Variants in BCKDHB observed in about 807,000 individuals in gnomAD.
BCKDHB encodes branched chain keto acid dehydrogenase E1 subunit beta.
Under a neutral mutation model 48.5 loss-of-function variants are expected in BCKDHB, and 41 were observed. The observed-to-expected ratio is 0.85, with a 90% CI of 0.66 to 1.10. BCKDHB has a LOEUF of 1.10. Ranked by LOEUF, BCKDHB falls within the 50% of genes least tolerant of loss-of-function variation. BCKDHB has a pLI of 0.00. For synonymous variants in BCKDHB, 201 were observed against 174.8 expected, an observed-to-expected ratio of 1.15 and a Z score of -1.18; for missense variants, 496 against 494.2, an observed-to-expected ratio of 1.00 and a Z score of -0.03.
chr6:80,114,316 A>G (rs1339827899), intron 1 of BCKDHB, among the ~76,000 whole-genome samples: 1 of 151,046 alleles, frequency 6.6e-6, no homozygotes. Flanking sequence ...TGGCTCAATC[A>G]TGGCTCACTG....
intron 9 of BCKDHB, among the ~76,000 whole-genome samples, chr6:80,337,926 A>C (rs376703183): frequency 4.6e-5 from 7 of 152,338 alleles, no homozygotes; most frequent in African/African-American, 9.6e-5. Context: ...ATGTTTAGAA[A>C]AATTAGTTAA....
chr6:80,444,780 A>C, the BCKDHB span, among the ~76,000 whole-genome samples: 1 of 152,208 alleles, frequency 6.6e-6, no homozygotes, highest in Non-Finnish European at 1.5e-5. Context: ...AGTAAATAAT[A>C]TCGTCAAATT....
chr6:80,447,066 G>T, the BCKDHB span, among the ~76,000 whole-genome samples: 1 of 152,134 alleles, frequency 6.6e-6, no homozygotes, highest in Non-Finnish European at 1.5e-5. Context: ...CAAGAGTGAT[G>T]AAGCTTGGGA....
chr6:80,397,397 T>TTG, the BCKDHB span, among the ~76,000 whole-genome samples: 4 of 152,182 alleles, frequency 2.6e-5, no homozygotes, highest in South Asian at 8.3e-4. Context: ...TTAAAGGCAA[T>TTG]TGTGTGTGTG....
At chr6:80,194,725 T>A (rs1313313253) in intron 6 of BCKDHB, among the ~76,000 whole-genome samples, 1 of 152,208 alleles carries the variant, frequency 6.6e-6, no homozygotes. Flanking sequence ...TTTACTTGTT[T>A]TTACTCTTCT....
At chr6:80,426,634 A>G in the BCKDHB span, among the ~76,000 whole-genome samples, 1 of 152,102 alleles carries the variant, frequency 6.6e-6, no homozygotes, top group Non-Finnish European at 1.5e-5. Context: ...GGATTAAAAA[A>G]TATCTTTCTG....
intron 8 of BCKDHB, among the ~76,000 whole-genome samples, chr6:80,245,698 C>A (rs530239825): frequency 1.3e-5 from 2 of 152,238 alleles, no homozygotes; most frequent in East Asian, 3.9e-4. Flanking sequence ...CACGAAGGAG[C>A]AGCACTTTTA....
chr6:80,106,656 G>A (rs926224837), upstream of BCKDHB: 1 of 1,542,730 alleles, frequency 6.5e-7, no homozygotes, highest in Non-Finnish European at 8.7e-7. Flanking sequence ...CAGGCGGCGT[G>A]CGGCTGCATA....
At chr6:80,413,605 T>C in the BCKDHB span, among the ~76,000 whole-genome samples, 1 of 152,160 alleles carries the variant, frequency 6.6e-6, no homozygotes, top group African/African-American at 2.4e-5. Context: ...CCAACTACAT[T>C]CATGTTTCTG....
At chr6:80,195,672 T>A (rs12662365) in intron 6 of BCKDHB, among the ~76,000 whole-genome samples, 38,827 of 152,076 alleles carry the variant, frequency 0.26, 6,114 homozygotes, top group Middle Eastern at 0.4. Context: ...CCAATAATGG[T>A]CCTAAGATTA....
chr6:80,265,925 C>CA (rs1777496007), intron 8 of BCKDHB, among the ~76,000 whole-genome samples: 1 of 152,068 alleles, frequency 6.6e-6, no homozygotes, highest in Non-Finnish European at 1.5e-5. Flanking sequence ...TGAACTCTCA[C>CA]TTTTTTATTT....
chr6:80,352,888 A>G, the BCKDHB span, among the ~76,000 whole-genome samples: 6 of 151,996 alleles, frequency 3.9e-5, no homozygotes, highest in African/African-American at 1.4e-4. Context: ...TAGAAACCAT[A>G]CTCCATGGAA....
the BCKDHB span, among the ~76,000 whole-genome samples, chr6:80,385,950 A>G: frequency 6.6e-6 from 1 of 152,194 alleles, no homozygotes; most frequent in East Asian, 1.9e-4. Context: ...GAGTTAAAAA[A>G]GTTCTAATAG....
chr6:80,154,633 G>A (rs1771950742), intron 3 of BCKDHB, among the ~76,000 whole-genome samples: 3 of 151,364 alleles, frequency 2.0e-5, no homozygotes, highest in Admixed American at 2.0e-4. Context: ...CTAAATTTTA[G>A]GTATCAAAAT....
intron 7 of BCKDHB, 79 bp downstream of exon 7, chr6:80,201,110 T>C: frequency 1.7e-6 from 2 of 1,197,070 alleles, no homozygotes; most frequent in Admixed American, 1.8e-5. Context: ...ACATGAAAAA[T>C]TGAAAACGAT....
the BCKDHB span, among the ~76,000 whole-genome samples, chr6:80,429,984 T>C: frequency 6.6e-6 from 1 of 152,260 alleles, no homozygotes; most frequent in Admixed American, 6.5e-5. Context: ...CCATTCGGTA[T>C]GCTATTGGCT....
At chr6:80,333,843 A>G (rs1769438368) in intron 9 of BCKDHB, among the ~76,000 whole-genome samples, 1 of 152,176 alleles carries the variant, frequency 6.6e-6, no homozygotes, top group Non-Finnish European at 1.5e-5. Context: ...TTTATATTTT[A>G]TACTTAACTA....
At chr6:80,193,563 T>C (rs968740524) in intron 6 of BCKDHB, among the ~76,000 whole-genome samples, 2 of 151,482 alleles carry the variant, frequency 1.3e-5, no homozygotes, top group Non-Finnish European at 2.9e-5. Context: ...TACTAAAAAA[T>C]AAAAAAACTA....
intron 3 of BCKDHB, among the ~76,000 whole-genome samples, chr6:80,138,199 A>G (rs1770989695): frequency 6.6e-6 from 1 of 152,144 alleles, no homozygotes; most frequent in Non-Finnish European, 1.5e-5. Flanking sequence ...CACGCTTCCT[A>G]AAACCCAGTT....
Sources: allele counts gnomAD v4.1 joint callset (sites outside exome capture counted in the v4.1 genomes callset), GRCh38; gene constraint gnomAD v4.1.1; transcripts MANE v1.5; gene names NCBI Gene and HGNC (gene_info 2026-07-23, HGNC 2026-07-21).